The following CLEC3A variants were observed in gnomAD, a reference collection of about 807,000 sequenced individuals.
The protein encoded by CLEC3A is C-type (calcium dependent, carbohydrate-recognition domain) lectin, superfamily member 1 (cartilage-derived).
A neutral mutation model predicts 20.4 loss-of-function variants in CLEC3A; 28 were observed. The observed-to-expected ratio is 1.37, with a 90% CI of 1.02 to 1.88. The LOEUF (loss-of-function observed/expected upper bound fraction) is 1.88. CLEC3A is among the 40% of genes most tolerant of loss of function. The probability of loss-of-function intolerance (pLI) is 0.00; values close to 1 mark genes in which losing one functional copy is unlikely to be tolerated. For synonymous variants in CLEC3A, 110 were observed against 88.1 expected (o/e 1.25, Z -1.39); for missense variants, 357 against 240.4 (o/e 1.48, Z -3.21).
intron 1 of CLEC3A, among the ~76,000 whole-genome samples, chr16:78,026,914 G>T (rs1299621085): frequency 6.6e-6 from 1 of 152,170 alleles, no homozygotes; most frequent in Non-Finnish European, 1.5e-5. Flanking sequence ...AACCCTGCTA[G>T]TAGCCACCAT....
At chr16:78,025,093 G>A (rs1021434452) in intron 1 of CLEC3A, among the ~76,000 whole-genome samples, 1 of 152,158 alleles carries the variant, frequency 6.6e-6, no homozygotes, top group Non-Finnish European at 1.5e-5. Context: ...GCAGGCATGA[G>A]CCATCATACC....
At chr16:78,028,079 C>A (rs374426818) in intron 1 of CLEC3A, 28 bp from the exon 2 acceptor site, 11 of 1,477,656 alleles carry the variant, frequency 7.4e-6, no homozygotes, top group African/African-American at 1.4e-5. Flanking sequence ...CATCCACCTA[C>A]CCCATCCCAC....
Position 78,031,678 on chromosome 16 carries a change from G to A in CLEC3A, c.*837G>A, listed in dbSNP as rs2030129730. On this transcript the variant is annotated 3_prime_UTR_variant, in exon 3 of 3. Transcript: ENST00000299642. ...CTCACCTTTTATGAGATTGAGAGTG[G>A]ACTTACATTTCCTTTTTTACATTTT... 6.6e-6 allele frequency: 1 copy of A among 152,104 alleles called. No individual in the cohort carries two copies. The highest frequency in any genetic ancestry group is 1.5e-5 in the Non-Finnish European group (1 of 68,014). The allele number at this position is 152,104 out of a possible 1,614,324, so 9.4% of individuals were successfully genotyped here.
At position 78,030,396 on chromosome 16, in the gene CLEC3A, C is replaced by A. The variant is rs760241940; in HGVS notation, c.200-51C>A. 2.7e-6 allele frequency: 4 copies of A among 1,507,206 alleles called. No individual in the cohort carries two copies. The South Asian group carries it at 5.2e-5, about 20-fold the overall frequency. 93.4% of individuals were successfully genotyped at this position (1,507,206 alleles called of 1,614,324 possible). On this transcript the variant is annotated intron_variant, in intron 2 of 2. Coordinates refer to ENST00000299642, the MANE Select transcript of CLEC3A (RefSeq NM_005752.6). Reference sequence around the variant, plus strand: ...GCTATTTGCCAGGTCCAGCCCTAGTCATAATACACTCAAAATGCATCTTAA... The same window carrying A: ...GCTATTTGCCAGGTCCAGCCCTAGTAATAATACACTCAAAATGCATCTTAA...
intron 1 of CLEC3A, among the ~76,000 whole-genome samples, chr16:78,027,718 T>A (rs2029968218): frequency 6.6e-6 from 1 of 152,196 alleles, no homozygotes; most frequent in African/African-American, 2.4e-5. Flanking sequence ...TGCAGTGGAA[T>A]GATCTTTGCT....
At chr16:78,025,281 G>T (rs1567543027) in intron 1 of CLEC3A, among the ~76,000 whole-genome samples, 1 of 152,172 alleles carries the variant, frequency 6.6e-6, no homozygotes, top group African/African-American at 2.4e-5. Flanking sequence ...ATATTCCATT[G>T]TTTGGATGGG....
intron 2 of CLEC3A, among the ~76,000 whole-genome samples, chr16:78,029,745 C>T (rs1301206267): frequency 6.6e-6 from 1 of 151,954 alleles, no homozygotes; most frequent in Non-Finnish European, 1.5e-5. Context: ...AAATCCAACA[C>T]AGAGTAGCAA....
intron 1 of CLEC3A, among the ~76,000 whole-genome samples, chr16:78,023,454 A>G (rs2018774799): frequency 6.6e-6 from 1 of 152,192 alleles, no homozygotes; most frequent in Non-Finnish European, 1.5e-5. Flanking sequence ...TGAAAAGAAC[A>G]ATGATGATAG....
Position 78,030,595 on chromosome 16 carries a change from C to G in CLEC3A, c.348C>G (p.Asp116Glu), listed in dbSNP as rs1349793568. ...RNSDEINALQ[D>E]YGKRSLPGVN... Reference sequence around the variant, plus strand: ...CCGACGAAATCAACGCCCTCCAAGACTATGGTAAAAGGAGCCTGCCAGGTG... The same window carrying G: ...CCGACGAAATCAACGCCCTCCAAGAGTATGGTAAAAGGAGCCTGCCAGGTG... Residue 116 changes from aspartate (D) to glutamate (E), a missense_variant, in exon 3 of 3, where the codon GAC becomes GAG. Asp to Glu is a conservative substitution (Grantham distance 45). Transcript: ENST00000299642. 1.2e-6 allele frequency: 2 copies of G among 1,614,058 alleles called. No individual in the cohort carries two copies. Among genetic ancestry groups the G allele is most frequent in the Admixed American group, 1.7e-5 (1 of 60,002 alleles).
chr16:78,030,501 T>G lies in CLEC3A; in HGVS notation c.254T>G (p.Leu85Trp), dbSNP rs1567544857. The G allele has an allele frequency of 1.2e-6, 2 of 1,613,824 alleles. No individual in the cohort carries two copies. Among genetic ancestry groups the G allele is most frequent in the South Asian group, 2.2e-5 (2 of 91,036 alleles). ...AAATGCTACCTTGCTTCAGAAGGTT[T>G]GAAGCATTTCCATGAGGCCAATGAA... ...HKKCYLASEGLKHFHEANEDC... is the reference protein window; with the variant it reads ...HKKCYLASEGWKHFHEANEDC... The change falls in exon 3 of 3, where the codon TTG becomes TGG. Residue 85 changes from leucine (L) to tryptophan (W), a missense_variant. Leu to Trp is a moderately conservative substitution (Grantham distance 61). Coordinates refer to ENST00000299642, the MANE Select transcript of CLEC3A (RefSeq NM_005752.6).
At chr16:78,029,109 T>A (rs547405831) in intron 2 of CLEC3A, 4 of 455,608 alleles carry the variant, frequency 8.8e-6, no homozygotes, top group Non-Finnish European at 1.8e-5. Flanking sequence ...GCTATTATGA[T>A]CCTAATTTTA....
At chr16:78,022,798 T>G in intron 1 of CLEC3A, 57 bp downstream of exon 1, 1 of 1,580,318 alleles carries the variant, frequency 6.3e-7, no homozygotes, top group Non-Finnish European at 8.6e-7. Context: ...GGGGAGGTGC[T>G]GGACAATGTT....
intron 1 of CLEC3A, among the ~76,000 whole-genome samples, chr16:78,026,370 A>G (rs2262658): frequency 0.63 from 96,577 of 152,106 alleles, 32,843 homozygotes; most frequent in South Asian, 0.76. Context: ...AGCAGCTGGG[A>G]ACAGTTCATA....
At chr16:78,028,860 T>C (rs2030002993) in intron 2 of CLEC3A, among the ~76,000 whole-genome samples, 1 of 152,230 alleles carries the variant, frequency 6.6e-6, no homozygotes, top group Non-Finnish European at 1.5e-5. Flanking sequence ...TTCCATCAAG[T>C]ATTTATAACT....
At position 78,031,807 on chromosome 16, in the gene CLEC3A, T is replaced by G. The variant is rs906194396; in HGVS notation, c.*966T>G. 1 of 152,146 alleles carries G rather than the reference T, an allele frequency of 6.6e-6. No homozygotes were observed. The highest frequency in any genetic ancestry group is 2.1e-4 in the South Asian group (1 of 4,830). 9.4% of individuals were successfully genotyped at this position (152,146 alleles called of 1,614,324 possible). On this transcript the variant is annotated 3_prime_UTR_variant, in exon 3 of 3. Transcript: ENST00000299642. ...ATTTAAAGAATGCTATCTTGGAAAA[T>G]TGCATACGTCTGTGCAATTTTTTAT... is the stretch of plus-strand genomic sequence containing the variant.
At chr16:78,027,016 G>C (rs1237512606) in intron 1 of CLEC3A, among the ~76,000 whole-genome samples, 1 of 152,174 alleles carries the variant, frequency 6.6e-6, no homozygotes, top group African/African-American at 2.4e-5. Context: ...TATCTTTTGA[G>C]ACACTCTCAT....
At chr16:78,024,041 G>A (rs943292399) in intron 1 of CLEC3A, among the ~76,000 whole-genome samples, 50 of 152,104 alleles carry the variant, frequency 3.3e-4, no homozygotes, top group Non-Finnish European at 8.8e-5. Context: ...ACAGGCGTGA[G>A]CCACCGCGCC....
At chr16:78,023,757 CTTT>C (rs112037307) in intron 1 of CLEC3A, among the ~76,000 whole-genome samples, 1 of 134,526 alleles carries the variant, frequency 7.4e-6, no homozygotes, top group Admixed American at 7.5e-5. Context: ...TGCAAGGTTT[CTTT>C]TTTTTTTTTT....
chr16:78,023,618 C>T (rs1030036053), intron 1 of CLEC3A, among the ~76,000 whole-genome samples: 1 of 152,134 alleles, frequency 6.6e-6, no homozygotes, highest in Non-Finnish European at 1.5e-5. Flanking sequence ...CACACACATA[C>T]ACAAATTTCA....
Sources: allele counts gnomAD v4.1 joint callset (sites outside exome capture counted in the v4.1 genomes callset), GRCh38; gene constraint gnomAD v4.1.1; transcripts MANE v1.5; gene names NCBI Gene and HGNC (gene_info 2026-07-23, HGNC 2026-07-21).